OR51A4: variants seen among roughly 807,000 people sequenced by gnomAD.
The protein encoded by OR51A4 is olfactory receptor family 51 subfamily A member 4, also known as olfactory receptor 51A4.
For synonymous variants in OR51A4, 96 were observed against 141.5 expected (o/e 0.68, Z 2.28); for missense variants, 243 against 364.0 (o/e 0.67, Z 2.70).
chr11:4,944,266 C>A lies in OR51A4; in HGVS notation c.*1893G>T. On this transcript the variant is annotated 3_prime_UTR_variant, in exon 2 of 2. Transcript: ENST00000641898. ...TAAAATGTATTCAAGATAATACTAT[C>A]CTGGAGCATCAGAGATTAGGTTTGA... 1 of 230,018 alleles carries A rather than the reference C, an allele frequency of 4.3e-6. No homozygotes were observed. 14.2% of individuals were successfully genotyped at this position (230,018 alleles called of 1,614,324 possible).
Position 4,946,757 on chromosome 11 carries a change from G to T in OR51A4, c.344C>A (p.Ser115Ter). 6.3e-7 allele frequency: 1 copy of T among 1,588,450 alleles called. No individual in the cohort carries two copies. Among genetic ancestry groups the T allele is most frequent in the Non-Finnish European group, 8.6e-7 (1 of 1,161,108 alleles). The change falls in exon 2 of 2, where the codon TCA becomes TAA. Residue 115 changes from serine (S) to a stop codon, truncating the protein, a stop_gained. Transcript: ENST00000641898. LOFTEE classifies it low-confidence loss of function (END_TRUNC). ...ATCAAATGACATGATCAGGAGGACT[G>T]AGGACTCCAGTACTGAGAATCCATG... ...FIHGFSVLES[S>*]VLLIMSFDRF...
chr11:4,943,508 C>T lies in OR51A4; in HGVS notation c.*2651G>A, dbSNP rs751947618. On this transcript the variant is annotated 3_prime_UTR_variant, in exon 2 of 2. Coordinates refer to ENST00000641898, the MANE Select transcript of OR51A4 (RefSeq NM_001005329.2). ...AAGGTTTTTTTAATGCTTGGCACCA[C>T]TGACATTTTGTGCTAGATAATTCTT... 1.5e-5 allele frequency: 7 copies of T among 456,180 alleles called. No individual in the cohort carries two copies. Among genetic ancestry groups the T allele is most frequent in the South Asian group, 1.1e-4 (7 of 64,524 alleles). 28.3% of individuals were successfully genotyped at this position (456,180 alleles called of 1,614,324 possible). A position where few individuals can be genotyped will look rare whatever the true frequency, so the allele number is the denominator to read the frequency against.
In OR51A4 at chr11:4,946,605, T is replaced by C. The variant is rs766890785; in HGVS notation, c.496A>G (p.Arg166Gly). The stretch of plus-strand genomic sequence containing the variant: ...TTTTTCTTGCAATATCTCAAGTTTC[T>C]TAAAGTGAAAGGGAAGGGAAGAACC... ...LLVLPFPFTLRNLRYCKKNQL... is the reference protein window; with the variant it reads ...LLVLPFPFTLGNLRYCKKNQL... The change falls in exon 2 of 2, where the codon AGA becomes GGA. Residue 166 changes from arginine to glycine, a missense_variant. Physicochemically the swap from Arg to Gly is moderately radical, Grantham distance 125 (BLOSUM62 -2). Coordinates refer to ENST00000641898, the MANE Select transcript of OR51A4 (RefSeq NM_001005329.2). The C allele has an allele frequency of 5.1e-6, 8 of 1,561,764 alleles. 1 individual carries two copies. The highest frequency in any genetic ancestry group is 7.0e-6 in the Non-Finnish European group (8 of 1,135,358).
chr11:4,945,929 T>C lies in OR51A4; in HGVS notation c.*230A>G. 1 of 531,770 alleles carries C rather than the reference T, an allele frequency of 1.9e-6. No individual in the cohort carries two copies. The highest frequency in any genetic ancestry group is 3.4e-6 in the Non-Finnish European group (1 of 296,550). The allele number at this position is 531,770 out of a possible 1,614,324, so 32.9% of individuals were successfully genotyped here. A position where few individuals can be genotyped will look rare whatever the true frequency, so the allele number is the denominator to read the frequency against. On this transcript the variant is annotated 3_prime_UTR_variant, in exon 2 of 2. Coordinates refer to ENST00000641898, the MANE Select transcript of OR51A4 (RefSeq NM_001005329.2). ...TGTAATTTGTTGCTTGTATCGGAGA[T>C]GCTATCATAAGACATTTATTTTTAT...
Position 4,944,584 on chromosome 11 carries a change from C to T in OR51A4, c.*1575G>A. The T allele has an allele frequency of 6.6e-6, 1 of 152,204 alleles. No individual in the cohort carries two copies. The highest frequency in any genetic ancestry group is 1.5e-5 in the Non-Finnish European group (1 of 68,118). 9.4% of individuals were successfully genotyped at this position (152,204 alleles called of 1,614,324 possible). A position where few individuals can be genotyped will look rare whatever the true frequency, so the allele number is the denominator to read the frequency against. On this transcript the variant is annotated 3_prime_UTR_variant, in exon 2 of 2. Coordinates refer to ENST00000641898, the MANE Select transcript of OR51A4 (RefSeq NM_001005329.2). Reference sequence around the variant, plus strand: ...CATTCCTGGAAGGTGTTTCTTGATTCACCTGAGGTTAGAAGTGTAGGAGAC... The same window carrying T: ...CATTCCTGGAAGGTGTTTCTTGATTTACCTGAGGTTAGAAGTGTAGGAGAC...
Position 4,945,584 on chromosome 11 carries a change from T to C in OR51A4, c.*575A>G, listed in dbSNP as rs1223090107. The C allele has an allele frequency of 6.5e-6, 1 of 154,942 alleles. No homozygotes were observed. The highest frequency in any genetic ancestry group is 1.9e-4 in the East Asian group (1 of 5,226). 9.6% of individuals were successfully genotyped at this position (154,942 alleles called of 1,614,324 possible). A position where few individuals can be genotyped will look rare whatever the true frequency, so the allele number is the denominator to read the frequency against. On this transcript the variant is annotated 3_prime_UTR_variant, in exon 2 of 2. Transcript: ENST00000641898. ...AGGCAGGGAACTTAGCAATATTTTATGAGAGAAATGCTGGTGACTGCAGAC... is the reference window on the plus strand; with the variant it reads ...AGGCAGGGAACTTAGCAATATTTTACGAGAGAAATGCTGGTGACTGCAGAC...
rs1846278334 is a variant in OR51A4 at position 4,945,333 on chromosome 11, C to T, written c.*826G>A. ...TGTGAAAACTCAAGAAAGCAAAGAG[C>T]TCTGTAAATTCAAAAACTGTTCAGT... On this transcript the variant is annotated 3_prime_UTR_variant, in exon 2 of 2. Coordinates refer to ENST00000641898, the MANE Select transcript of OR51A4 (RefSeq NM_001005329.2). The T allele has an allele frequency of 6.6e-6, 1 of 152,128 alleles. No individual in the cohort carries two copies. Among genetic ancestry groups the T allele is most frequent in the African/African-American group, 2.4e-5 (1 of 41,424 alleles). The allele number at this position is 152,128 out of a possible 1,614,324, so 9.4% of individuals were successfully genotyped here.
In OR51A4 at chr11:4,944,666, G is replaced by A. The variant is rs1265130923; in HGVS notation, c.*1493C>T. On this transcript the variant is annotated 3_prime_UTR_variant, in exon 2 of 2. Coordinates refer to ENST00000641898, the MANE Select transcript of OR51A4 (RefSeq NM_001005329.2). ...ATTCAATGGGTAGGTAAAATGAAAA[G>A]GCTAAAATGATTTTCGCAATATGCA... 1 of 152,032 alleles carries A rather than the reference G, an allele frequency of 6.6e-6. No homozygotes were observed. Among genetic ancestry groups the A allele is most frequent in the African/African-American group, 2.4e-5 (1 of 41,412 alleles). 9.4% of individuals were successfully genotyped at this position (152,032 alleles called of 1,614,324 possible).
In OR51A4 at chr11:4,943,580, C is replaced by A; in HGVS notation, c.*2579G>T. The stretch of plus-strand genomic sequence containing the variant: ...CATTAAAGAATGGTTAGTAGCGTCT[C>A]CGGCCTCTAATCAGTGGAAGTCAGT... On this transcript the variant is annotated 3_prime_UTR_variant, in exon 2 of 2. Transcript: ENST00000641898. The A allele has an allele frequency of 2.4e-6, 1 of 424,636 alleles. No homozygotes were observed. Among genetic ancestry groups the A allele is most frequent in the Non-Finnish European group, 4.8e-6 (1 of 210,186 alleles). The allele number at this position is 424,636 out of a possible 1,614,324, so 26.3% of individuals were successfully genotyped here. A position where few individuals can be genotyped will look rare whatever the true frequency, so the allele number is the denominator to read the frequency against.
Position 4,946,287 on chromosome 11 carries a change from G to A in OR51A4, c.814C>T (p.Leu272Phe), listed in dbSNP as rs764113386. 2 of 1,613,770 alleles carry A rather than the reference G, an allele frequency of 1.2e-6. No homozygotes were observed. Among genetic ancestry groups the A allele is most frequent in the African/African-American group, 2.7e-5 (2 of 74,756 alleles). The part of the protein sequence containing the change: ...VHRFARHVSP[L>F]INVLMANVLL... ...ACATTTGCCATGAGAACATTAATGA[G>A]GGGAGAGACATGCCGGGCAAAGCGG... Residue 272 changes from leucine (L) to phenylalanine (F), a missense_variant, in exon 2 of 2, where the codon CTC (leucine) becomes TTC (phenylalanine). Transcript: ENST00000641898.
rs1468509687 is a variant in OR51A4, at chr11:4,943,845, T to C, written c.*2314A>G. 2.2e-6 allele frequency: 1 copy of C among 448,532 alleles called. No individual in the cohort carries two copies. The highest frequency in any genetic ancestry group is 2.4e-5 in the Admixed American group (1 of 41,346). The allele number at this position is 448,532 out of a possible 1,614,324, so 27.8% of individuals were successfully genotyped here. On this transcript the variant is annotated 3_prime_UTR_variant, in exon 2 of 2. Transcript: ENST00000641898. ...TATCTTTATTTTATTTTTCATTTCA[T>C]TTTATTAAGACTGTCAAAAACCCCT... is the stretch of plus-strand genomic sequence containing the variant.
rs1315168405 is a variant in OR51A4 at position 4,943,430 on chromosome 11, T to G, written c.*2729A>C. ...TGCTGTGTAGGTGAGCTCAAGGTAA[T>G]TTGTTTAACCATGGGGCTTAATCAT... On this transcript the variant is annotated 3_prime_UTR_variant, in exon 2 of 2. Coordinates refer to ENST00000641898, the MANE Select transcript of OR51A4 (RefSeq NM_001005329.2). 1 of 455,752 alleles carries G rather than the reference T, an allele frequency of 2.2e-6. No individual in the cohort carries two copies. Among genetic ancestry groups the G allele is most frequent in the Non-Finnish European group, 4.4e-6 (1 of 226,426 alleles). The allele number at this position is 455,752 out of a possible 1,614,324, so 28.2% of individuals were successfully genotyped here. A position where few individuals can be genotyped will look rare whatever the true frequency, so the allele number is the denominator to read the frequency against.
At position 4,945,928 on chromosome 11, in the gene OR51A4, A is replaced by G. The variant is rs112134846; in HGVS notation, c.*231T>C. ...TTGTAATTTGTTGCTTGTATCGGAG[A>G]TGCTATCATAAGACATTTATTTTTA... On this transcript the variant is annotated 3_prime_UTR_variant, in exon 2 of 2. Coordinates refer to ENST00000641898, the MANE Select transcript of OR51A4 (RefSeq NM_001005329.2). 832 of 528,782 alleles carry G rather than the reference A, an allele frequency of 1.6e-3. 5 individuals are homozygous for G. The highest frequency in any genetic ancestry group is 0.014 in the African/African-American group (736 of 51,822). 32.8% of individuals were successfully genotyped at this position (528,782 alleles called of 1,614,324 possible).
rs1394243255 is a variant in OR51A4 at position 4,944,913 on chromosome 11, G to T, written c.*1246C>A. On this transcript the variant is annotated 3_prime_UTR_variant, in exon 2 of 2. Transcript: ENST00000641898. ...AGTGAACATCTTTTTCAACAAACATGGTCTTATTTTTAAATTCATTCATTA... is the reference window on the plus strand; with the variant it reads ...AGTGAACATCTTTTTCAACAAACATTGTCTTATTTTTAAATTCATTCATTA... 6.6e-6 allele frequency: 1 copy of T among 151,678 alleles called. No individual in the cohort carries two copies. Among genetic ancestry groups the T allele is most frequent in the Admixed American group, 6.6e-5 (1 of 15,224 alleles). 9.4% of individuals were successfully genotyped at this position (151,678 alleles called of 1,614,324 possible).
In OR51A4 at chr11:4,946,747, C is replaced by T. The variant is rs760187545; in HGVS notation, c.354G>A (p.Leu118=). Residue 118 remains leucine (L), a synonymous_variant, in exon 2 of 2, where the codon CTG becomes CTA. Transcript: ENST00000641898. Reference sequence around the variant, plus strand: ...CTAGGAATCTATCAAATGACATGATCAGGAGGACTGAGGACTCCAGTACTG... The same window carrying T: ...CTAGGAATCTATCAAATGACATGATTAGGAGGACTGAGGACTCCAGTACTG... The part of the protein sequence containing the change: ...GFSVLESSVL[L]IMSFDRFLAI... 1.9e-6 allele frequency: 3 copies of T among 1,589,020 alleles called. No individual in the cohort carries two copies. Among genetic ancestry groups the T allele is most frequent in the Non-Finnish European group, 2.6e-6 (3 of 1,161,572 alleles).
In OR51A4 at chr11:4,946,170, G is replaced by T; in HGVS notation, c.931C>A (p.Arg311=). The T allele has an allele frequency of 6.2e-7, 1 of 1,612,314 alleles. No individual in the cohort carries two copies. The highest frequency in any genetic ancestry group is 2.2e-5 in the East Asian group (1 of 44,870). The change falls in exon 2 of 2, where the codon CGG becomes AGG. Residue 311 remains arginine (R), a synonymous_variant. Transcript: ENST00000641898. ...GTCACATATGACTGTTAAATCTTCC[G>T]TTGACACAATTTTGCTACAACTCTC... The part of the protein sequence containing the change: ...RVRVVAKLCQ[R]KI
rs980081576 is a variant in OR51A4 at position 4,945,283 on chromosome 11, G to C, written c.*876C>G. 6.6e-6 allele frequency: 1 copy of C among 152,092 alleles called. No homozygotes were observed. Among genetic ancestry groups the C allele is most frequent in the African/African-American group, 2.4e-5 (1 of 41,426 alleles). The allele number at this position is 152,092 out of a possible 1,614,324, so 9.4% of individuals were successfully genotyped here. On this transcript the variant is annotated 3_prime_UTR_variant, in exon 2 of 2. Coordinates refer to ENST00000641898, the MANE Select transcript of OR51A4 (RefSeq NM_001005329.2). The stretch of plus-strand genomic sequence containing the variant: ...ATGCATTATACAAAATTGGAGTCAA[G>C]AGCATTTTAACAAAAGAGATCTGAT...
chr11:4,943,633 A>T lies in OR51A4; in HGVS notation c.*2526T>A, dbSNP rs1310306900. Reference sequence around the variant, plus strand: ...CACACCCACACCCCCAGGTTGCAACAACCGAAGATGTCCCCAGACATTGCC... The same window carrying T: ...CACACCCACACCCCCAGGTTGCAACTACCGAAGATGTCCCCAGACATTGCC... On this transcript the variant is annotated 3_prime_UTR_variant, in exon 2 of 2. Transcript: ENST00000641898. 2.7e-6 allele frequency: 1 copy of T among 368,450 alleles called. No homozygotes were observed. The highest frequency in any genetic ancestry group is 5.4e-6 in the Non-Finnish European group (1 of 185,976). 22.8% of individuals were successfully genotyped at this position (368,450 alleles called of 1,614,324 possible).
Position 4,946,222 on chromosome 11 carries a change from A to G in OR51A4, c.879T>C (p.Tyr293=), listed in dbSNP as rs1174422071. Reference sequence around the variant, plus strand: ...CTCTAATCTGTTTAGTTTTTACACAATAAACAATTGGGTTCGTCAGTGGAG... The same window carrying G: ...CTCTAATCTGTTTAGTTTTTACACAGTAAACAATTGGGTTCGTCAGTGGAG... ...LVPPLTNPIV[Y]CVKTKQIRVR... Residue 293 remains tyrosine (Y), a synonymous_variant, in exon 2 of 2, where the codon TAT becomes TAC. Coordinates refer to ENST00000641898, the MANE Select transcript of OR51A4 (RefSeq NM_001005329.2). The G allele has an allele frequency of 6.8e-6, 11 of 1,614,056 alleles. No homozygotes were observed. The South Asian group carries it at 1.2e-4, about 18-fold the overall frequency.
Sources: gnomAD v4.1 joint callset for allele counts on GRCh38, gnomAD v4.1.1 for gene constraint, MANE v1.5 for transcripts, NCBI Gene and HGNC (gene_info 2026-07-23, HGNC 2026-07-21) for gene names.